Variants in SYCP2L observed in about 807,000 individuals in gnomAD.
SYCP2L encodes the protein synaptonemal complex protein 2 like, also known as synaptonemal complex protein 2-like.
A neutral mutation model predicts 125.8 loss-of-function variants in SYCP2L; 98 were observed. The observed-to-expected ratio is 0.78, with a 90% CI of 0.66 to 0.92. The LOEUF (loss-of-function observed/expected upper bound fraction) is 0.92. Ranked by LOEUF, SYCP2L falls within the 40% of genes least tolerant of loss-of-function variation. SYCP2L has a pLI of 0.00. For missense variants in SYCP2L, 842 were observed against 936.4 expected, an observed-to-expected ratio of 0.90 and a Z score of 1.32; for synonymous variants, 317 against 325.4, an observed-to-expected ratio of 0.97 and a Z score of 0.28.
At chr6:10,897,393 G>T (rs1196510633) in intron 4 of SYCP2L, among the ~76,000 whole-genome samples, 2 of 148,338 alleles carry the variant, frequency 1.3e-5, no homozygotes, top group Non-Finnish European at 3.0e-5. Flanking sequence ...ACCTGTGCTG[G>T]GGAGGCTCAC....
intron 18 of SYCP2L, among the ~76,000 whole-genome samples, chr6:10,929,197 G>A (rs746052977): frequency 1.3e-5 from 2 of 152,150 alleles, no homozygotes; most frequent in East Asian, 1.9e-4. Flanking sequence ...GGCCGCACCC[G>A]GCTGTGTATT....
chr6:10,959,009 C>CAGAAGGGTTAAA, intron 26 of SYCP2L, 134 bp downstream of exon 26: 1 of 727,992 alleles, frequency 1.4e-6, no homozygotes, highest in Non-Finnish European at 2.3e-6. Context: ...TCATTTAACC[C>CAGAAGGGTTAAA]TTCTGGGTTT....
chr6:10,917,231 T>C (rs767387486), intron 14 of SYCP2L, among the ~76,000 whole-genome samples: 13 of 152,252 alleles, frequency 8.5e-5, no homozygotes, highest in Non-Finnish European at 1.6e-4. Context: ...TGTTTAGTGC[T>C]GTCAGTGGAG....
intron 14 of SYCP2L, among the ~76,000 whole-genome samples, chr6:10,923,020 G>GTCTTCAT (rs1340870160): frequency 6.6e-6 from 1 of 152,022 alleles, no homozygotes; most frequent in East Asian, 1.9e-4. Context: ...TGTGTACTGA[G>GTCTTCAT]TCTTCATAAT....
chr6:10,942,804 T>C, intron 23 of SYCP2L, 58 bp downstream of exon 23: 1 of 1,473,832 alleles, frequency 6.8e-7, no homozygotes, highest in Non-Finnish European at 9.2e-7. Context: ...TTAATCTGAT[T>C]TTGGCAGACT....
intron 2 of SYCP2L, 64 bp downstream of exon 2, chr6:10,891,645 G>GC: frequency 1.2e-6 from 1 of 864,044 alleles, no homozygotes; most frequent in Non-Finnish European, 1.8e-6. Context: ...GTGTGTGTGT[G>GC]TGTGTGTGTG....
intron 29 of SYCP2L, among the ~76,000 whole-genome samples, chr6:10,964,669 T>A (rs562057173): frequency 6.6e-6 from 1 of 152,306 alleles, no homozygotes; most frequent in South Asian, 2.1e-4. Context: ...CACAAACGTG[T>A]TTAATGGAGG....
chr6:10,945,261 A>T (rs540342331), intron 23 of SYCP2L, among the ~76,000 whole-genome samples: 4 of 152,248 alleles, frequency 2.6e-5, no homozygotes, highest in Non-Finnish European at 4.4e-5. Context: ...TTTCACAATC[A>T]TTGGGTGCAG....
chr6:10,918,613 T>C (rs1393389484), intron 14 of SYCP2L, among the ~76,000 whole-genome samples: 1 of 152,098 alleles, frequency 6.6e-6, no homozygotes, highest in African/African-American at 2.4e-5. Context: ...CTCAGCTCAC[T>C]GCAACCTCCG....
At chr6:10,962,703 G>A (rs1277309958) in intron 28 of SYCP2L, among the ~76,000 whole-genome samples, 1 of 149,472 alleles carries the variant, frequency 6.7e-6, no homozygotes, top group South Asian at 2.1e-4. Flanking sequence ...AAATAACTAT[G>A]ACTTTTCAGA....
chr6:10,966,551 C>T (rs983705640), intron 29 of SYCP2L, among the ~76,000 whole-genome samples: 3 of 152,088 alleles, frequency 2.0e-5, no homozygotes, highest in African/African-American at 4.8e-5. Flanking sequence ...TTTTTATTCC[C>T]CAAAGCCCCA....
At position 10,935,143 on chromosome 6, in the gene SYCP2L, A is replaced by G; in HGVS notation, c.1769A>G (p.Asp590Gly). The G allele has an allele frequency of 1.2e-6, 2 of 1,613,300 alleles. No individual in the cohort carries two copies. The highest frequency in any genetic ancestry group is 2.2e-5 in the East Asian group (1 of 44,730). Residue 590 changes from aspartate (D) to glycine (G), a missense_variant, in exon 21 of 30, where the codon GAT becomes GGT. By Grantham distance (94) the Asp-to-Gly change is moderately conservative (BLOSUM62 -1). Transcript: ENST00000283141. ...AAGACTTCTGAACAAAAATTCCAAG[A>G]TAGTTTTGCTTTTTTGACTGCTGAA... ...SPKTSEQKFQ[D>G]SFAFLTAEDS...
intron 21 of SYCP2L, among the ~76,000 whole-genome samples, chr6:10,939,291 CCTT>C (rs1167095102): frequency 1.3e-5 from 2 of 152,022 alleles, no homozygotes; most frequent in Admixed American, 1.3e-4. Context: ...GTTAAAATGT[CCTT>C]ATTATCCAAA....
At chr6:10,890,541 T>C (rs879105430) in intron 1 of SYCP2L, among the ~76,000 whole-genome samples, 1 of 152,188 alleles carries the variant, frequency 6.6e-6, no homozygotes, top group African/African-American at 2.4e-5. Context: ...TTTAATTGGA[T>C]TGGTTATTTT....
intron 17 of SYCP2L, among the ~76,000 whole-genome samples, chr6:10,928,113 G>T (rs1406961911): frequency 6.6e-6 from 1 of 152,018 alleles, no homozygotes; most frequent in Non-Finnish European, 1.5e-5. Context: ...AATTTGTGCA[G>T]TTAACGCAAT....
chr6:10,942,870 C>T (rs1781248938), intron 23 of SYCP2L, 124 bp downstream of exon 23: 11 of 855,558 alleles, frequency 1.3e-5, no homozygotes, highest in Middle Eastern at 7.1e-4. Flanking sequence ...ATTGCCAGGC[C>T]GTGGAGGGAG....
At chr6:10,921,146 C>A (rs1432623789) in intron 14 of SYCP2L, among the ~76,000 whole-genome samples, 1 of 152,130 alleles carries the variant, frequency 6.6e-6, no homozygotes, top group Admixed American at 6.5e-5. Context: ...GTTTTCTGTT[C>A]CTGTGTTAGT....
chr6:10,912,872 T>C lies in SYCP2L; in HGVS notation c.1017T>C (p.Thr339=). 6.2e-7 allele frequency: 1 copy of C among 1,613,888 alleles called. No homozygotes were observed. Among genetic ancestry groups the C allele is most frequent in the Non-Finnish European group, 8.5e-7 (1 of 1,179,932 alleles). Residue 339 remains threonine (T), a synonymous_variant, in exon 14 of 30, where the codon ACT becomes ACC. Transcript: ENST00000283141. The surrounding 1 kb of genome is among the most constrained non-coding windows in gnomAD (Gnocchi z 4.1). ...CACTTATTTATTTTCCCAAGAATACTCTATGGGACTCAGTGACACTTCCGA... is the reference window on the plus strand; with the variant it reads ...CACTTATTTATTTTCCCAAGAATACCCTATGGGACTCAGTGACACTTCCGA... The part of the protein sequence containing the change: ...VTFYIDNAEN[T]LWDSVTLPKE...
chr6:10,921,514 T>A (rs1008409496), intron 14 of SYCP2L, among the ~76,000 whole-genome samples: 1 of 152,162 alleles, frequency 6.6e-6, no homozygotes, highest in Admixed American at 6.5e-5. Context: ...AAAGTCTTCC[T>A]TTTTCTCCGC....
Sources: gnomAD v4.1 joint callset for allele counts (sites outside exome capture counted in the v4.1 genomes callset) on GRCh38, gnomAD v4.1.1 for gene constraint, Gnocchi (gnomAD v3.1) non-coding constraint, MANE v1.5 for transcripts, NCBI Gene and HGNC (gene_info 2026-07-23, HGNC 2026-07-21) for gene names.